MAP2: variants seen among roughly 807,000 people sequenced by gnomAD.
MAP2 encodes the protein microtubule-associated protein 2.
MAP2 carries 14 observed loss-of-function variants against 137.6 expected under a neutral mutation model. The observed-to-expected ratio is 0.10, with a 90% confidence interval of 0.07 to 0.16. The LOEUF (loss-of-function observed/expected upper bound fraction) is 0.16, where lower values mean the gene tolerates loss of function less well. MAP2 is among the 10% of genes least tolerant of loss of function. MAP2 has a pLI of 1.00. For synonymous variants in MAP2, 786 were observed against 782.3 expected (o/e 1.00, Z -0.08); for missense variants, 2,088 against 2,191.5 (o/e 0.95, Z 0.94).
intron 2 of MAP2, among the ~76,000 whole-genome samples, chr2:209,560,895 C>A (rs775522691): frequency 2.6e-5 from 4 of 152,010 alleles, no homozygotes; most frequent in Non-Finnish European, 5.9e-5. Context: ...AATAACTTAC[C>A]CCTACATGAC....
intron 3 of MAP2, 43 bp from the exon 4 acceptor site, chr2:209,625,010 A>G (rs1163694564): frequency 6.6e-6 from 1 of 152,162 alleles, no homozygotes; most frequent in African/African-American, 2.4e-5. Flanking sequence ...ATTAATGTAT[A>G]TGGATCAGGG....
At chr2:209,580,280 G>C (rs2076116527) in intron 3 of MAP2, among the ~76,000 whole-genome samples, 180 bp downstream of exon 3, 1 of 152,172 alleles carries the variant, frequency 6.6e-6, no homozygotes, top group East Asian at 1.9e-4. Context: ...GTTTTGATTA[G>C]AGGATGACTA....
rs985207825 is a variant in MAP2 at position 209,512,684 on chromosome 2, C to T, written c.-172+5043C>T. On this transcript the variant is annotated intron_variant, in intron 2 of 15. Transcript: ENST00000682079. ...AGAGATAGGGCCTCACTCTGTTGCC[C>T]GGACTGGAATGGAGTGGTACAATCA... is the stretch of plus-strand genomic sequence containing the variant. 5.9e-5 allele frequency among the ~76,000 whole-genome samples: 9 copies of T among 151,982 alleles called. No individual in the cohort carries two copies. The East Asian group carries it at 7.7e-4, about 13-fold the overall frequency.
At chr2:209,586,139 G>A (rs2077652785) in intron 3 of MAP2, among the ~76,000 whole-genome samples, 1 of 152,062 alleles carries the variant, frequency 6.6e-6, no homozygotes, top group Non-Finnish European at 1.5e-5. Flanking sequence ...AAGGAGTCCG[G>A]AACTCAAAGA....
At position 209,730,770 on chromosome 2, in the gene MAP2, T is replaced by A. The variant is rs2075682760; in HGVS notation, c.*373T>A. On this transcript the variant is annotated 3_prime_UTR_variant, in exon 16 of 16. Coordinates refer to ENST00000682079, the MANE Select transcript of MAP2 (RefSeq NM_001375505.1). ...AAGCTGCTCATTTCACTATTCTGTT[T>A]CTGAGTGAGAAGATAAAAACTGCCC... 3 of 172,570 alleles carry A rather than the reference T, an allele frequency of 1.7e-5. No individual in the cohort carries two copies. Among genetic ancestry groups the A allele is most frequent in the Non-Finnish European group, 3.7e-5 (3 of 80,664 alleles). The allele number at this position is 172,570 out of a possible 1,614,324, so 10.7% of individuals were successfully genotyped here.
intron 2 of MAP2, among the ~76,000 whole-genome samples, chr2:209,556,058 T>A (rs1189537380): frequency 1.3e-4 from 19 of 146,586 alleles, no homozygotes; most frequent in African/African-American, 5.0e-4. Context: ...TTTTTTTTTT[T>A]AGAGGCAGCC....
chr2:209,637,811 T>C (rs2093688631), intron 4 of MAP2, among the ~76,000 whole-genome samples: 2 of 152,278 alleles, frequency 1.3e-5, no homozygotes, highest in South Asian at 2.1e-4. Context: ...CCTTAAACTT[T>C]TTGTGATTTT....
chr2:209,647,378 T>G (rs1166272774), intron 4 of MAP2, among the ~76,000 whole-genome samples: 2 of 152,184 alleles, frequency 1.3e-5, no homozygotes, highest in Non-Finnish European at 2.9e-5. Context: ...CTTGTTTTAC[T>G]CAACAGTATT....
chr2:209,648,510 G>A (rs2094551641), intron 4 of MAP2, among the ~76,000 whole-genome samples: 1 of 149,820 alleles, frequency 6.7e-6, no homozygotes, highest in African/African-American at 2.5e-5. Flanking sequence ...ATTATAAATT[G>A]TAAATCATTG....
intron 1 of MAP2, among the ~76,000 whole-genome samples, chr2:209,438,966 C>G (rs1697063907): frequency 6.6e-6 from 1 of 151,252 alleles, no homozygotes; most frequent in South Asian, 2.1e-4. Flanking sequence ...CATACCAACT[C>G]TAATAAAAAT....
chr2:209,548,510 C>T (rs2068525535), intron 2 of MAP2, among the ~76,000 whole-genome samples: 1 of 152,144 alleles, frequency 6.6e-6, no homozygotes, highest in Non-Finnish European at 1.5e-5. Context: ...TTTCAGATGT[C>T]ATAGAAATGA....
chr2:209,671,724 C>G (rs1178908568), intron 5 of MAP2, among the ~76,000 whole-genome samples: 1 of 151,840 alleles, frequency 6.6e-6, no homozygotes, highest in Non-Finnish European at 1.5e-5. Flanking sequence ...TTACTTTTCT[C>G]TAACAACCTG....
intron 4 of MAP2, among the ~76,000 whole-genome samples, chr2:209,652,028 A>T (rs1029316005): frequency 6.6e-6 from 1 of 152,180 alleles, no homozygotes; most frequent in South Asian, 2.1e-4. Context: ...CTTAGTTTCC[A>T]TCAAAGACAG....
intron 11 of MAP2, chr2:209,704,681 A>G: frequency 1.4e-6 from 2 of 1,422,056 alleles, no homozygotes; most frequent in Non-Finnish European, 1.9e-6. Flanking sequence ...AGGTTATGTT[A>G]TAGAACCTAA....
In MAP2 at chr2:209,695,865, T is replaced by A; in HGVS notation, c.3695T>A (p.Ile1232Asn). The change falls in exon 8 of 16, where the codon ATT becomes AAT. Residue 1232 changes from isoleucine (I) to asparagine (N), a missense_variant. This residue lies in a region of MAP2 where 591 missense variants were observed against 642.6 expected (regional missense o/e 0.92). Transcript: ENST00000682079. Reference sequence around the variant, plus strand: ...ACGATCGTATCTGAACCAGCAGAGATTCAGAGTGAGGAAGAAGAGATAGAA... The same window carrying A: ...ACGATCGTATCTGAACCAGCAGAGAATCAGAGTGAGGAAGAAGAGATAGAA... ...HETIVSEPAE[I>N]QSEEEEIEAQ... The A allele has an allele frequency of 6.2e-7, 1 of 1,614,050 alleles. No homozygotes were observed. Among genetic ancestry groups the A allele is most frequent in the Non-Finnish European group, 8.5e-7 (1 of 1,180,018 alleles).
chr2:209,459,474 C>T (rs1038707721), intron 1 of MAP2, among the ~76,000 whole-genome samples: 5 of 152,180 alleles, frequency 3.3e-5, no homozygotes, highest in African/African-American at 7.2e-5. Context: ...AAGACGAAGC[C>T]TGGCCTAAAG....
chr2:209,512,306 T>G (rs1421103658), intron 2 of MAP2, among the ~76,000 whole-genome samples: 4 of 151,918 alleles, frequency 2.6e-5, no homozygotes, highest in Admixed American at 6.6e-5. Flanking sequence ...TAAATTACAT[T>G]TTAATGCAAA....
chr2:209,466,713 C>T (rs560902797), intron 1 of MAP2, among the ~76,000 whole-genome samples: 1 of 152,148 alleles, frequency 6.6e-6, no homozygotes, highest in Non-Finnish European at 1.5e-5. Flanking sequence ...CCATGAAAAC[C>T]CTTAAAGATA....
intron 1 of MAP2, among the ~76,000 whole-genome samples, chr2:209,472,679 G>T (rs990934554): frequency 1.3e-5 from 2 of 152,014 alleles, no homozygotes; most frequent in African/African-American, 4.8e-5. Context: ...AAACCTTGAG[G>T]GAGGAGGAAA....
Sources: gnomAD v4.1 joint callset for allele counts (sites outside exome capture counted in the v4.1 genomes callset) on GRCh38, gnomAD v4.1.1 for gene constraint, gnomAD v4.1.1 regional missense constraint, MANE v1.5 for transcripts, NCBI Gene and HGNC (gene_info 2026-07-23, HGNC 2026-07-21) for gene names.